Variants in CYP4X1 observed in about 807,000 individuals in gnomAD.
The protein encoded by CYP4X1 is cytochrome P450 4X1.
A neutral mutation model predicts 57.9 loss-of-function variants in CYP4X1; 44 were observed. The observed-to-expected ratio is 0.76, with a 90% CI of 0.60 to 0.98. CYP4X1 has a LOEUF of 0.98. Among genes scored for constraint, CYP4X1 ranks in the 50% least tolerant of loss-of-function variants. The pLI, the probability that CYP4X1 is intolerant of heterozygous loss-of-function variation, is 0.00. For missense variants in CYP4X1, 532 were observed against 623.9 expected, an observed-to-expected ratio of 0.85 and a Z score of 1.57; for synonymous variants, 227 against 228.6, an observed-to-expected ratio of 0.99 and a Z score of 0.06.
chr1:47,051,331 G>A (rs1644358852), downstream of CYP4X1, among the ~76,000 whole-genome samples: 1 of 150,776 alleles, frequency 6.6e-6, no homozygotes. Context: ...GTGAGCCGAG[G>A]TGGCGCCACT....
At chr1:47,040,233 G>T (rs1644230452) in intron 8 of CYP4X1, among the ~76,000 whole-genome samples, 1 of 152,100 alleles carries the variant, frequency 6.6e-6, no homozygotes, top group Non-Finnish European at 1.5e-5. Flanking sequence ...CCTGGCATGG[G>T]AGCTCAAGGA....
the CYP4X1 span, among the ~76,000 whole-genome samples, chr1:46,980,332 AACAG>A: frequency 2.6e-5 from 4 of 152,222 alleles, no homozygotes; most frequent in South Asian, 8.3e-4. Context: ...ATACACCAAT[AACAG>A]ACAAACAGAG....
downstream of CYP4X1, among the ~76,000 whole-genome samples, chr1:47,052,149 T>C (rs934863033): frequency 1.3e-5 from 2 of 152,168 alleles, no homozygotes; most frequent in African/African-American, 4.8e-5. Flanking sequence ...TAAACTTCTG[T>C]GTATTTTTTC....
intron 6 of CYP4X1, among the ~76,000 whole-genome samples, chr1:47,036,547 T>G (rs1196261547): frequency 6.6e-6 from 1 of 151,558 alleles, no homozygotes; most frequent in African/African-American, 2.4e-5. Context: ...TGGAACAGAG[T>G]AAACATGGAC....
chr1:46,973,523 C>T, the CYP4X1 span, among the ~76,000 whole-genome samples: 1 of 151,988 alleles, frequency 6.6e-6, no homozygotes, highest in Admixed American at 6.6e-5. Flanking sequence ...TTCTTTATAC[C>T]TCTGGTAGAA....
chr1:46,969,212 C>A, the CYP4X1 span, among the ~76,000 whole-genome samples: 1 of 152,202 alleles, frequency 6.6e-6, no homozygotes, highest in Admixed American at 6.5e-5. Flanking sequence ...CCTGTTCCCA[C>A]CACGTGACAT....
chr1:47,046,717 T>C, intron 9 of CYP4X1, 117 bp downstream of exon 9: 1 of 1,455,348 alleles, frequency 6.9e-7, no homozygotes, highest in East Asian at 2.3e-5. Flanking sequence ...TGCTAACATG[T>C]GACTTAGGTT....
intron 8 of CYP4X1, 80 bp downstream of exon 8, chr1:47,039,612 A>G: frequency 1.7e-6 from 2 of 1,157,152 alleles, no homozygotes; most frequent in Non-Finnish European, 2.4e-6. Flanking sequence ...TACCTTAGTG[A>G]CCCTAGTGCC....
At chr1:47,037,968 G>A (rs1644203628) in intron 6 of CYP4X1, among the ~76,000 whole-genome samples, 1 of 152,108 alleles carries the variant, frequency 6.6e-6, no homozygotes, top group African/African-American at 2.4e-5. Context: ...ACGGATACAT[G>A]TACTGGTATC....
the CYP4X1 span, among the ~76,000 whole-genome samples, chr1:46,975,611 T>G: frequency 6.6e-6 from 1 of 152,248 alleles, no homozygotes; most frequent in African/African-American, 2.4e-5. Flanking sequence ...TCTTTTGTGT[T>G]GACCGTGGAC....
chr1:47,009,036 A>C, the CYP4X1 span, among the ~76,000 whole-genome samples: 1 of 152,342 alleles, frequency 6.6e-6, no homozygotes, highest in South Asian at 2.1e-4. Flanking sequence ...AAGGATATCC[A>C]GGAATTGAAC....
chr1:47,039,476 A>G lies in CYP4X1; in HGVS notation c.1017A>G (p.Gln339=), dbSNP rs749035930. Residue 339 remains glutamine (Q), a synonymous_variant, in exon 8 of 12, where the codon CAA becomes CAG. Transcript: ENST00000371901. ...LYCLALNPEH[Q]ERCREEVRGI... ...GCCTGGCTCTGAACCCTGAGCATCA[A>G]GAGAGATGCCGGGAGGAGGTCAGGG... The G allele has an allele frequency of 5.6e-6, 9 of 1,613,482 alleles. No homozygotes were observed. The highest frequency in any genetic ancestry group is 6.8e-6 in the Non-Finnish European group (8 of 1,179,740).
chr1:47,033,456 T>A, intron 4 of CYP4X1, 88 bp downstream of exon 4: 2 of 1,508,292 alleles, frequency 1.3e-6, no homozygotes, highest in South Asian at 1.3e-5. Flanking sequence ...GCCATGAAAA[T>A]AAAAAATCAG....
chr1:47,030,242 G>A (rs1644111631), intron 2 of CYP4X1, 111 bp downstream of exon 2: 2 of 1,357,516 alleles, frequency 1.5e-6, no homozygotes, highest in South Asian at 1.5e-5. Flanking sequence ...AAGAGACACA[G>A]CAGCAAGTAT....
At chr1:47,038,871 A>G in intron 7 of CYP4X1, 105 bp downstream of exon 7, 1 of 787,326 alleles carries the variant, frequency 1.3e-6, no homozygotes, top group Non-Finnish European at 1.9e-6. Context: ...CCGATTGACT[A>G]AATTTAACTG....
the CYP4X1 span, among the ~76,000 whole-genome samples, chr1:47,009,088 T>A: frequency 6.6e-6 from 1 of 152,062 alleles, no homozygotes; most frequent in Non-Finnish European, 1.5e-5. Flanking sequence ...TCTACAGAAC[T>A]CTCCACCCAA....
chr1:46,967,777 C>A, the CYP4X1 span: 1 of 1,354,214 alleles, frequency 7.4e-7, no homozygotes. Context: ...GACCGGGATC[C>A]TGGTGGGATC....
At chr1:47,035,035 T>C (rs1644164625) in intron 4 of CYP4X1, among the ~76,000 whole-genome samples, 1 of 151,324 alleles carries the variant, frequency 6.6e-6, no homozygotes, top group South Asian at 2.1e-4. Flanking sequence ...TTTGCCTTTG[T>C]GGTTGCCAAG....
chr1:46,979,378 G>C, the CYP4X1 span, among the ~76,000 whole-genome samples: 2 of 152,150 alleles, frequency 1.3e-5, no homozygotes, highest in Non-Finnish European at 2.9e-5. Context: ...AAACCTAGAA[G>C]ACATGGATAA....
Sources: allele counts gnomAD v4.1 joint callset (sites outside exome capture counted in the v4.1 genomes callset), GRCh38; gene constraint gnomAD v4.1.1; transcripts MANE v1.5; gene names NCBI Gene and HGNC (gene_info 2026-07-23, HGNC 2026-07-21).